Variants in CNTNAP4 observed in about 807,000 individuals in gnomAD.
CNTNAP4 encodes contactin-associated protein-like 4.
A neutral mutation model predicts 148.4 loss-of-function variants in CNTNAP4; 98 were observed. That is an observed-to-expected ratio of 0.66 (90% CI 0.56 to 0.78). The LOEUF is 0.78. Ranked by LOEUF, CNTNAP4 falls within the 30% of genes least tolerant of loss-of-function variation. The probability of loss-of-function intolerance (pLI) is 0.00; values close to 1 mark genes in which losing one functional copy is unlikely to be tolerated. For missense variants in CNTNAP4, 1,935 were observed against 1,565.6 expected, an observed-to-expected ratio of 1.24 and a Z score of -3.98; for synonymous variants, 730 against 565.1, an observed-to-expected ratio of 1.29 and a Z score of -4.14.
At chr16:76,452,276 G>A (rs1444735770) in intron 7 of CNTNAP4, among the ~76,000 whole-genome samples, 1 of 152,094 alleles carries the variant, frequency 6.6e-6, no homozygotes, top group Non-Finnish European at 1.5e-5. Flanking sequence ...TTCTAAATAA[G>A]CTTGACTTCA....
intron 13 of CNTNAP4, 108 bp downstream of exon 13, chr16:76,489,991 G>A: frequency 1.7e-6 from 1 of 586,058 alleles, no homozygotes; most frequent in Non-Finnish European, 2.8e-6. Flanking sequence ...AGCCACTGAG[G>A]GTATATGATC....
intron 3 of CNTNAP4, among the ~76,000 whole-genome samples, chr16:76,367,567 C>G (rs1484605621): frequency 6.6e-6 from 1 of 152,186 alleles, no homozygotes; most frequent in Non-Finnish European, 1.5e-5. Flanking sequence ...GACTGACATT[C>G]TGACTGACTG....
chr16:76,501,107 C>T (rs2082622092), intron 15 of CNTNAP4, among the ~76,000 whole-genome samples: 1 of 152,146 alleles, frequency 6.6e-6, no homozygotes, highest in Non-Finnish European at 1.5e-5. Context: ...ATACTGTTTA[C>T]CATTATACTC....
At chr16:76,488,885 A>T (rs1422668234) in intron 12 of CNTNAP4, among the ~76,000 whole-genome samples, 2 of 152,182 alleles carry the variant, frequency 1.3e-5, no homozygotes, top group Non-Finnish European at 2.9e-5. Context: ...GTATGATGGA[A>T]ATGTTTACAG....
At chr16:76,345,445 A>G (rs1441483031) in intron 2 of CNTNAP4, among the ~76,000 whole-genome samples, 2 of 152,242 alleles carry the variant, frequency 1.3e-5, no homozygotes, top group East Asian at 1.9e-4. Context: ...AAGGAAGGCT[A>G]TTCAAAAGTA....
intron 4 of CNTNAP4, among the ~76,000 whole-genome samples, chr16:76,428,418 C>T (rs529369298): frequency 2.5e-4 from 31 of 124,752 alleles, no homozygotes; most frequent in Middle Eastern, 7.8e-3. Context: ...TTCACGACAT[C>T]GTTTTTTTTT....
chr16:76,405,387 G>C (rs1216177359), intron 3 of CNTNAP4, among the ~76,000 whole-genome samples: 2 of 152,174 alleles, frequency 1.3e-5, no homozygotes, highest in African/African-American at 4.8e-5. Flanking sequence ...GTTGACTTTT[G>C]GATAACACAG....
chr16:76,429,808 C>G (rs186823244), intron 4 of CNTNAP4, among the ~76,000 whole-genome samples: 8 of 152,290 alleles, frequency 5.3e-5, no homozygotes, highest in Admixed American at 2.6e-4. Context: ...GGTGAGCATA[C>G]TGTCCATGTA....
chr16:76,367,859 G>C (rs1398779793), intron 3 of CNTNAP4, among the ~76,000 whole-genome samples: 1 of 152,112 alleles, frequency 6.6e-6, no homozygotes, highest in African/African-American at 2.4e-5. Flanking sequence ...ACTTCTCAGG[G>C]ATACTTGCCA....
At chr16:76,395,287 A>G (rs925453534) in intron 3 of CNTNAP4, among the ~76,000 whole-genome samples, 1 of 146,534 alleles carries the variant, frequency 6.8e-6, no homozygotes, top group African/African-American at 2.5e-5. Context: ...TTTTTTTGAG[A>G]TGCAGTCTCT....
chr16:76,463,616 C>T (rs2081066219), intron 9 of CNTNAP4, among the ~76,000 whole-genome samples: 1 of 152,160 alleles, frequency 6.6e-6, no homozygotes, highest in South Asian at 2.1e-4. Context: ...TTCCTGCACA[C>T]CCGACATCCA....
chr16:76,439,143 A>C (rs1272511310), intron 4 of CNTNAP4, among the ~76,000 whole-genome samples: 1 of 152,076 alleles, frequency 6.6e-6, no homozygotes, highest in Admixed American at 6.6e-5. Context: ...TCACTGTAGC[A>C]ACAGCAGCTC....
At chr16:76,398,390 C>T (rs538682641) in intron 3 of CNTNAP4, among the ~76,000 whole-genome samples, 7 of 152,202 alleles carry the variant, frequency 4.6e-5, no homozygotes, top group African/African-American at 1.7e-4. Context: ...ACATGAGAAT[C>T]ATCCAAAGGC....
At chr16:76,291,325 T>C (rs1243289490) in intron 1 of CNTNAP4, among the ~76,000 whole-genome samples, 2 of 152,142 alleles carry the variant, frequency 1.3e-5, no homozygotes, top group Admixed American at 1.3e-4. Context: ...ATTGCCGAGA[T>C]CAATGGCATG....
intron 3 of CNTNAP4, among the ~76,000 whole-genome samples, chr16:76,364,762 C>T (rs1362566468): frequency 2.6e-5 from 4 of 152,064 alleles, no homozygotes; most frequent in Non-Finnish European, 4.4e-5. Flanking sequence ...AATTTATATA[C>T]TTTATTAAGT....
chr16:76,341,842 A>C (rs1964494087), intron 2 of CNTNAP4, among the ~76,000 whole-genome samples: 1 of 152,218 alleles, frequency 6.6e-6, no homozygotes, highest in Non-Finnish European at 1.5e-5. Flanking sequence ...AAAGTAAAGA[A>C]AAATGGCTCC....
At chr16:76,309,221 C>T (rs1382869469) in intron 1 of CNTNAP4, among the ~76,000 whole-genome samples, 1 of 151,950 alleles carries the variant, frequency 6.6e-6, no homozygotes, top group South Asian at 2.1e-4. Flanking sequence ...TGTACAGCTG[C>T]AGCTGTGAGG....
At chr16:76,519,141 G>A (rs777152333) in intron 15 of CNTNAP4, among the ~76,000 whole-genome samples, 6 of 152,024 alleles carry the variant, frequency 3.9e-5, no homozygotes, top group Non-Finnish European at 7.4e-5. Context: ...TAATTGTTTT[G>A]AATTAGCAGC....
intron 21 of CNTNAP4, among the ~76,000 whole-genome samples, chr16:76,547,874 A>C (rs2084802355): frequency 2.0e-5 from 3 of 152,320 alleles, no homozygotes; most frequent in Middle Eastern, 3.4e-3. Context: ...TTTAGAGACA[A>C]TCTTCCATCT....
Sources: allele counts gnomAD v4.1 joint callset (sites outside exome capture counted in the v4.1 genomes callset), GRCh38; gene constraint gnomAD v4.1.1; transcripts MANE v1.5; gene names NCBI Gene and HGNC (gene_info 2026-07-23, HGNC 2026-07-21).